The following DNAH9 variants were observed in gnomAD, a reference collection of about 807,000 sequenced individuals.
The protein encoded by DNAH9 is dynein axonemal heavy chain 9, also known as DNAH9 variant protein.
In DNAH9, 345 loss-of-function variants were observed where a neutral mutation model predicts 471.6. The observed-to-expected ratio is 0.73, with a 90% CI of 0.67 to 0.80. The LOEUF (loss-of-function observed/expected upper bound fraction) is 0.80. Ranked by LOEUF, DNAH9 falls within the 30% of genes least tolerant of loss-of-function variation. The pLI is 0.00. For synonymous variants in DNAH9, 2,093 were observed against 2,123.6 expected (o/e 0.99, Z 0.40); for missense variants, 5,407 against 5,609.2 (o/e 0.96, Z 1.15).
intron 50 of DNAH9, among the ~76,000 whole-genome samples, chr17:11,868,012 C>G (rs959932566): frequency 6.6e-6 from 1 of 152,190 alleles, no homozygotes; most frequent in Non-Finnish European, 1.5e-5. Context: ...TGGTGAACAA[C>G]AGCTAACTCT....
In DNAH9 at chr17:11,763,232, C is replaced by G. The variant is rs775221937; in HGVS notation, c.6996-208C>G. 3.3e-5 allele frequency among the ~76,000 whole-genome samples: 5 copies of G among 152,086 alleles called. No homozygotes were observed. The South Asian group carries it at 1.0e-3, about 32-fold the overall frequency. ...GGAGATGAGAAAGTCCTCAGGAGAG[C>G]TCTGGGCCCTTACTTCCTTACAAAG... On this transcript the variant is annotated intron_variant, in intron 35 of 68. Transcript: ENST00000262442.
chr17:11,881,266 C>G lies in DNAH9; in HGVS notation c.10659C>G (p.Leu3553=). 1.2e-6 allele frequency: 2 copies of G among 1,614,216 alleles called. No individual in the cohort carries two copies. Among genetic ancestry groups the G allele is most frequent in the Non-Finnish European group, 1.7e-6 (2 of 1,180,042 alleles). ...CEYNPKFRLI[L]HTKLANPHYQ... is the part of the protein sequence containing the mutation. ...ACAATCCCAAGTTCCGGCTCATCCT[C>G]CACACCAAGCTGGCTAATCCTCACT... is the stretch of plus-strand genomic sequence containing the variant. Residue 3553 remains leucine, a synonymous_variant, in exon 55 of 69, where the codon CTC becomes CTG. Transcript: ENST00000262442.
chr17:11,647,763 T>C (rs1356963801), intron 12 of DNAH9, among the ~76,000 whole-genome samples: 2 of 152,206 alleles, frequency 1.3e-5, no homozygotes, highest in African/African-American at 4.8e-5. Context: ...CTTCACTAGA[T>C]GGCATATGGT....
chr17:11,634,355 G>C (rs912493420), intron 8 of DNAH9, among the ~76,000 whole-genome samples: 2 of 152,136 alleles, frequency 1.3e-5, no homozygotes, highest in Non-Finnish European at 2.9e-5. Context: ...CATTTTCAAG[G>C]CTGGGGAGTA....
At position 11,822,337 on chromosome 17, in the gene DNAH9, T is replaced by C. The variant is rs1970336368; in HGVS notation, c.8851-101T>C. 3.6e-6 allele frequency: 5 copies of C among 1,383,782 alleles called. No individual in the cohort carries two copies. The Admixed American group carries it at 9.4e-5, about 26-fold the overall frequency. 85.7% of individuals were successfully genotyped at this position (1,383,782 alleles called of 1,614,324 possible). A position where few individuals can be genotyped will look rare whatever the true frequency, so the allele number is the denominator to read the frequency against. On this transcript the variant is annotated intron_variant, in intron 46 of 68. Coordinates refer to ENST00000262442, the MANE Select transcript of DNAH9 (RefSeq NM_001372.4). ...AGATATTATCTCTGTTGGATGTGCT[T>C]CCCAATCTTCTGGGAGCTAGAGAAC...
intron 50 of DNAH9, among the ~76,000 whole-genome samples, chr17:11,856,058 A>G (rs1373782857): frequency 6.6e-6 from 1 of 152,130 alleles, no homozygotes; most frequent in African/African-American, 2.4e-5. Context: ...TAACTGCTCA[A>G]CCACTACTGT....
chr17:11,622,363 C>T (rs902170079), intron 6 of DNAH9, among the ~76,000 whole-genome samples: 2 of 152,178 alleles, frequency 1.3e-5, no homozygotes, highest in African/African-American at 4.8e-5. Context: ...ATCCTAAATG[C>T]CTCTTTTTCC....
chr17:11,942,481 TA>T lies in DNAH9; in HGVS notation c.12842del (p.Lys4281ArgfsTer4). 1 of 1,613,640 alleles carries T rather than the reference TA, an allele frequency of 6.2e-7. No individual in the cohort carries two copies. Among genetic ancestry groups the T allele is most frequent in the Non-Finnish European group, 8.5e-7 (1 of 1,179,860 alleles). ...TCACTGAGGGAGCTGGAGCTCGGCT[TA>T]AAGGTGAGCGCGGTCTTGTAAGGCA... ...QRSLRELELGLKGELTMTSHM... is the reference protein window; with the variant it reads ...QRSLRELELGXKGELTMTSHM... On this transcript the variant is annotated frameshift_variant, in exon 67 of 69. Transcript: ENST00000262442. LOFTEE classifies it high-confidence loss of function.
intron 67 of DNAH9, among the ~76,000 whole-genome samples, chr17:11,955,041 T>C (rs1567574563): frequency 1.3e-5 from 2 of 152,132 alleles, no homozygotes; most frequent in African/African-American, 2.4e-5. Flanking sequence ...AATAGAAGCA[T>C]ATTGTATATG....
chr17:11,753,100 C>A, intron 33 of DNAH9, 140 bp downstream of exon 33: 1 of 563,956 alleles, frequency 1.8e-6, no homozygotes, highest in Non-Finnish European at 2.9e-6. Context: ...ATCTTCACCA[C>A]ACATCTCTGC....
intron 43 of DNAH9, among the ~76,000 whole-genome samples, chr17:11,798,276 T>C (rs759221535): frequency 8.0e-5 from 12 of 150,858 alleles, no homozygotes; most frequent in South Asian, 2.1e-4. Flanking sequence ...ACTAAAAATA[T>C]AAAAAAATTA....
intron 53 of DNAH9, among the ~76,000 whole-genome samples, chr17:11,878,023 C>G (rs60708301): frequency 0.094 from 14,330 of 152,146 alleles, 781 homozygotes; most frequent in African/African-American, 0.15. Flanking sequence ...CATGAACCAC[C>G]GCGCCCGGCC....
Position 11,929,949 on chromosome 17 carries a change from G to T in DNAH9, c.11961G>T (p.Arg3987Ser). The T allele has an allele frequency of 6.2e-7, 1 of 1,613,960 alleles. No individual in the cohort carries two copies. Among genetic ancestry groups the T allele is most frequent in the Non-Finnish European group, 8.5e-7 (1 of 1,179,974 alleles). The change falls in exon 63 of 69, where the codon AGG becomes AGT. Residue 3987 changes from arginine to serine, a missense_variant. By Grantham distance (110) the Arg-to-Ser change is moderately radical. Transcript: ENST00000262442. ...GTGAGAACAGCCACCCAGAGTTCAG[G>T]GTCTTCATGAGTGCAGAGCCAGCAC... Reference protein sequence around the residue: ...EHSENSHPEFRVFMSAEPAPS... With the variant: ...EHSENSHPEFSVFMSAEPAPS...
At chr17:11,877,111 G>A (rs999665387) in intron 53 of DNAH9, among the ~76,000 whole-genome samples, 8 of 151,452 alleles carry the variant, frequency 5.3e-5, no homozygotes, top group African/African-American at 1.2e-4. Flanking sequence ...ACATTAAGAC[G>A]GCACACAATA....
intron 36 of DNAH9, among the ~76,000 whole-genome samples, chr17:11,766,924 G>A (rs1039729744): frequency 1.3e-4 from 19 of 151,058 alleles, no homozygotes; most frequent in South Asian, 4.2e-4. Flanking sequence ...AGCTGAGATC[G>A]CGCCACTGCC....
chr17:11,861,671 T>A (rs1222705746), intron 50 of DNAH9, among the ~76,000 whole-genome samples: 1 of 152,020 alleles, frequency 6.6e-6, no homozygotes, highest in Non-Finnish European at 1.5e-5. Context: ...TTTCTCCACA[T>A]CTTCTCCAGC....
intron 65 of DNAH9, among the ~76,000 whole-genome samples, chr17:11,935,725 A>G (rs958094906): frequency 6.6e-6 from 1 of 152,170 alleles, no homozygotes; most frequent in Non-Finnish European, 1.5e-5. Flanking sequence ...ACATGCCTAG[A>G]AAAACTCTTG....
At chr17:11,642,256 G>C (rs1253085170) in intron 10 of DNAH9, among the ~76,000 whole-genome samples, 1 of 152,120 alleles carries the variant, frequency 6.6e-6, no homozygotes, top group Non-Finnish European at 1.5e-5. Context: ...TGTGTATTAT[G>C]GGCCGGGCAT....
intron 14 of DNAH9, among the ~76,000 whole-genome samples, chr17:11,661,256 T>G (rs1871610147): frequency 6.6e-6 from 1 of 152,120 alleles, no homozygotes; most frequent in African/African-American, 2.4e-5. Flanking sequence ...GATTCATTAT[T>G]CTTACTTTTT....
Sources: allele counts gnomAD v4.1 joint callset (sites outside exome capture counted in the v4.1 genomes callset), GRCh38; gene constraint gnomAD v4.1.1; transcripts MANE v1.5; gene names NCBI Gene and HGNC (gene_info 2026-07-23, HGNC 2026-07-21).